ILRUN: variants seen among roughly 807,000 people sequenced by gnomAD.
The protein encoded by ILRUN is inflammation and lipid regulator with UBA-like and NBR1-like domains.
A neutral mutation model predicts 33.8 loss-of-function variants in ILRUN; 3 were observed. The observed-to-expected ratio is 0.09, with a 90% CI of 0.04 to 0.23. The LOEUF is 0.23. Ranked by LOEUF, ILRUN falls within the 10% of genes least tolerant of loss-of-function variation. ILRUN has a pLI of 1.00. For missense variants in ILRUN, 210 were observed against 375.1 expected (o/e 0.56, Z 3.64); for synonymous variants, 124 against 138.9 (o/e 0.89, Z 0.75).
intron 1 of ILRUN, among the ~76,000 whole-genome samples, chr6:34,659,618 C>CT (rs985939505): frequency 0.33 from 30,110 of 91,420 alleles, 6,362 homozygotes; most frequent in African/African-American, 0.5. Context: ...ATAAGGCAGT[C>CT]TTTTTTTTTT....
At chr6:34,650,450 T>TATGA (rs1266775121) in intron 2 of ILRUN, among the ~76,000 whole-genome samples, 1 of 142,548 alleles carries the variant, frequency 7.0e-6, no homozygotes, top group Non-Finnish European at 1.6e-5. Flanking sequence ...TTTATTTATT[T>TATGA]ATGAGTCGGA....
At chr6:34,676,730 C>A (rs970481531) in intron 1 of ILRUN, among the ~76,000 whole-genome samples, 5 of 151,358 alleles carry the variant, frequency 3.3e-5, no homozygotes, top group African/African-American at 9.8e-5. Context: ...ATCACACACA[C>A]AAAAGAAATA....
intron 3 of ILRUN, among the ~76,000 whole-genome samples, chr6:34,619,794 G>A (rs1204431380): frequency 6.6e-6 from 1 of 152,092 alleles, no homozygotes; most frequent in Non-Finnish European, 1.5e-5. Context: ...AGATCAGCCT[G>A]GCCAACATGG....
Position 34,696,431 on chromosome 6 carries a change from G to C in ILRUN, c.158+15C>G, listed in dbSNP as rs770682333. 2 of 1,546,978 alleles carry C rather than the reference G, an allele frequency of 1.3e-6. No homozygotes were observed. The highest frequency in any genetic ancestry group is 1.7e-6 in the Non-Finnish European group (2 of 1,146,562). On this transcript the variant is annotated intron_variant, in intron 1 of 4. Coordinates refer to ENST00000374023, the MANE Select transcript of ILRUN (RefSeq NM_024294.4). ...CGAGGCCGCTGCCAGCGCTGGCACTGCGGGGCCGGCTCACCAGTTGGTCAT... is the reference window on the plus strand; with the variant it reads ...CGAGGCCGCTGCCAGCGCTGGCACTCCGGGGCCGGCTCACCAGTTGGTCAT...
intron 4 of ILRUN, among the ~76,000 whole-genome samples, chr6:34,600,947 TCTTATCACCCCGGTAC>T (rs1353474996): frequency 6.6e-6 from 1 of 152,206 alleles, no homozygotes; most frequent in Admixed American, 6.5e-5. Flanking sequence ...GGTATCCTGG[TCTTATCACCCCGGTAC>T]ATGACCTTGG....
chr6:34,690,336 G>T (rs1329645899), intron 1 of ILRUN, among the ~76,000 whole-genome samples: 1 of 152,086 alleles, frequency 6.6e-6, no homozygotes, highest in East Asian at 1.9e-4. Context: ...TGGCCCACAC[G>T]TGTAATCCCA....
intron 4 of ILRUN, among the ~76,000 whole-genome samples, chr6:34,593,942 A>G (rs1282958224): frequency 1.3e-5 from 2 of 152,256 alleles, no homozygotes; most frequent in Non-Finnish European, 2.9e-5. Flanking sequence ...CAGGAAGACC[A>G]TCGCGGTACC....
At chr6:34,606,422 T>C in intron 4 of ILRUN, 133 bp downstream of exon 4, 1 of 650,500 alleles carries the variant, frequency 1.5e-6, no homozygotes, top group Non-Finnish European at 2.6e-6. Context: ...TTGTTGCTAT[T>C]GGCAGGAGAG....
At chr6:34,637,190 A>G (rs1477053731) in intron 3 of ILRUN, among the ~76,000 whole-genome samples, 4 of 152,214 alleles carry the variant, frequency 2.6e-5, no homozygotes, top group Non-Finnish European at 4.4e-5. Flanking sequence ...TATTCCCTAA[A>G]TAAGTAAAAC....
chr6:34,695,774 C>G (rs1374761880), intron 1 of ILRUN, among the ~76,000 whole-genome samples: 1 of 151,706 alleles, frequency 6.6e-6, no homozygotes, highest in Non-Finnish European at 1.5e-5. Context: ...CCGGGTCCTC[C>G]ATGTGTCGAT....
intron 3 of ILRUN, among the ~76,000 whole-genome samples, chr6:34,616,081 T>C (rs35030559): frequency 0.028 from 4,221 of 152,236 alleles, 102 homozygotes; most frequent in Non-Finnish European, 0.042. Flanking sequence ...ACTTCAAAAA[T>C]CTAACGTACA....
rs139342047 is a variant in ILRUN, at chr6:34,606,596, T to C, written c.820A>G (p.Ser274Gly). Residue 274 changes from serine to glycine, a missense_variant, in exon 4 of 5, where the codon AGC (serine) becomes GGC (glycine). This residue lies in a region of ILRUN where 81 missense variants were observed against 97.0 expected (regional missense o/e 0.84). Coordinates refer to ENST00000374023, the MANE Select transcript of ILRUN (RefSeq NM_024294.4). ...LSQNSVNLSP[S>G]SHANNLSVVT... ...ACTGATAAGTTGTTTGCGTGACTGC[T>C]GGGAGACAGATTTACAGAGTTCTGT... 3.1e-6 allele frequency: 5 copies of C among 1,614,158 alleles called. No homozygotes were observed. Among genetic ancestry groups the C allele is most frequent in the Non-Finnish European group, 3.4e-6 (4 of 1,180,028 alleles).
At chr6:34,625,461 T>C (rs938367310) in intron 3 of ILRUN, among the ~76,000 whole-genome samples, 3 of 152,178 alleles carry the variant, frequency 2.0e-5, no homozygotes, top group African/African-American at 7.2e-5. Context: ...CGCCCACATC[T>C]GATGTGCAGA....
chr6:34,635,188 G>A (rs1384018803), intron 3 of ILRUN, among the ~76,000 whole-genome samples: 1 of 152,014 alleles, frequency 6.6e-6, no homozygotes, highest in Non-Finnish European at 1.5e-5. Flanking sequence ...ACCCACTTTA[G>A]AATTAAATTG....
chr6:34,679,724 G>A (rs1763317209), intron 1 of ILRUN, among the ~76,000 whole-genome samples: 1 of 152,190 alleles, frequency 6.6e-6, no homozygotes, highest in South Asian at 2.1e-4. Flanking sequence ...GGTCTTTGCA[G>A]ATGTAATCAG....
chr6:34,610,909 T>A (rs908337971), intron 3 of ILRUN, among the ~76,000 whole-genome samples: 1 of 151,954 alleles, frequency 6.6e-6, no homozygotes, highest in Admixed American at 6.6e-5. Context: ...TTTTCTCCCT[T>A]TAGAACTAAA....
In ILRUN at chr6:34,644,179, G is replaced by A. The variant is rs568522270; in HGVS notation, c.511+2422C>T. 2.0e-5 allele frequency among the ~76,000 whole-genome samples: 3 copies of A among 152,104 alleles called. No individual in the cohort carries two copies. The South Asian group carries it at 6.2e-4, about 32-fold the overall frequency. On this transcript the variant is annotated intron_variant, in intron 3 of 4. Transcript: ENST00000374023. ...CACACACACATAAAACAAGACTAGCGTTCTTAACCACTAGGGAACATTGAG... is the reference window on the plus strand; with the variant it reads ...CACACACACATAAAACAAGACTAGCATTCTTAACCACTAGGGAACATTGAG...
chr6:34,696,266 T>C, intron 1 of ILRUN, 180 bp downstream of exon 1: 1 of 636,400 alleles, frequency 1.6e-6, no homozygotes, highest in South Asian at 2.0e-5. Context: ...CCTTTAGCCC[T>C]GCTCAGCCCC....
chr6:34,696,306 C>T, intron 1 of ILRUN, 140 bp downstream of exon 1: 1 of 897,326 alleles, frequency 1.1e-6, no homozygotes, highest in Non-Finnish European at 1.6e-6. Flanking sequence ...CGGGGCTCCC[C>T]GACTCGTCCT....
Sources: allele counts gnomAD v4.1 joint callset (sites outside exome capture counted in the v4.1 genomes callset), GRCh38; gene constraint gnomAD v4.1.1; regional missense constraint gnomAD v4.1.1; transcripts MANE v1.5; gene names NCBI Gene and HGNC (gene_info 2026-07-23, HGNC 2026-07-21).